The following NPHS1 variants were observed in gnomAD, a reference collection of about 807,000 sequenced individuals.
NPHS1 encodes the protein nephrin.
NPHS1 carries 107 observed loss-of-function variants against 139.7 expected under a neutral mutation model. The ratio of observed to expected loss-of-function variants is 0.77; its 90% CI spans 0.66 to 0.90. The LOEUF (loss-of-function observed/expected upper bound fraction) is 0.90. Among genes scored for constraint, NPHS1 ranks in the 40% least tolerant of loss-of-function variants. The pLI, the probability that NPHS1 is intolerant of heterozygous loss-of-function variation, is 0.00. For missense variants in NPHS1, 1,580 were observed against 1,654.2 expected, an observed-to-expected ratio of 0.96 and a Z score of 0.78; for synonymous variants, 707 against 706.6, an observed-to-expected ratio of 1.00 and a Z score of -0.01.
At chr19:35,844,862 C>A (rs546893674) in intron 14 of NPHS1, among the ~76,000 whole-genome samples, 1 of 152,130 alleles carries the variant, frequency 6.6e-6, no homozygotes, top group African/African-American at 2.4e-5. Flanking sequence ...CAGTGGCTCA[C>A]GCCTATAATC....
chr19:35,833,290 C>T (rs2146809556), intron 23 of NPHS1, among the ~76,000 whole-genome samples: 1 of 152,202 alleles, frequency 6.6e-6, no homozygotes, highest in African/African-American at 2.4e-5. Flanking sequence ...TCTAAGTAGG[C>T]ATCTGTTGGG....
chr19:35,835,199 C>CAAAAAAAA (rs71167570), intron 23 of NPHS1, among the ~76,000 whole-genome samples: 39 of 71,094 alleles, frequency 5.5e-4, no homozygotes, highest in South Asian at 1.2e-3. Context: ...GACTCTGTCT[C>CAAAAAAAA]AAAAAAAAAA....
chr19:35,831,549 AC>A (rs758797896), intron 24 of NPHS1, 49 bp from the exon 25 acceptor site: 12 of 1,548,982 alleles, frequency 7.7e-6, no homozygotes, highest in African/African-American at 4.2e-5. Context: ...CAAGCCCCCC[AC>A]CCCGGCCCCA....
At chr19:35,850,272 T>C (rs917415993) in intron 5 of NPHS1, 92 bp downstream of exon 5, 115 of 993,026 alleles carry the variant, frequency 1.2e-4, no homozygotes, top group Non-Finnish European at 1.8e-4. Context: ...TGTTCATACC[T>C]AGCCCAAGCT....
intron 2 of NPHS1, 25 bp from the exon 3 acceptor site, chr19:35,851,409 G>A: frequency 1.9e-6 from 3 of 1,612,708 alleles, no homozygotes; most frequent in South Asian, 1.1e-5. Flanking sequence ...GGAAGTCAGG[G>A]CCGCAGCTTC....
intron 16 of NPHS1, 71 bp from the exon 17 acceptor site, chr19:35,843,664 G>T: frequency 6.3e-7 from 1 of 1,590,298 alleles, no homozygotes; most frequent in Non-Finnish European, 8.6e-7. Flanking sequence ...GGCCCCAGGT[G>T]GGAGGGATGT....
chr19:35,841,684 C>A (rs375664414), intron 20 of NPHS1, 31 bp downstream of exon 20: 5 of 1,613,104 alleles, frequency 3.1e-6, no homozygotes, highest in Non-Finnish European at 4.2e-6. Flanking sequence ...GGGAGCACCC[C>A]CTCCCCAACA....
At chr19:35,830,644 A>G (rs1358778441) in intron 28 of NPHS1, among the ~76,000 whole-genome samples, 200 bp downstream of exon 28, 1 of 152,214 alleles carries the variant, frequency 6.6e-6, no homozygotes, top group African/African-American at 2.4e-5. Context: ...TATGGGCTCA[A>G]GCGATCCTCC....
chr19:35,839,578 C>G lies in NPHS1; in HGVS notation c.2845G>C (p.Val949Leu). The change falls in exon 21 of 29, where the codon GTT (valine) becomes CTT (leucine). Residue 949 changes from valine to leucine, a missense_variant. Transcript: ENST00000378910. ...SRPDPPSGLK[V>L]VSLTPHSVGL... Reference sequence around the variant, plus strand: ...ACGGAGTGTGGGGTCAGACTCACAACCTTTAATCCTGATGGAGGGTCAGGG... The same window carrying G: ...ACGGAGTGTGGGGTCAGACTCACAAGCTTTAATCCTGATGGAGGGTCAGGG... The G allele has an allele frequency of 6.2e-7, 1 of 1,614,122 alleles. No homozygotes were observed. Among genetic ancestry groups the G allele is most frequent in the Non-Finnish European group, 8.5e-7 (1 of 1,180,024 alleles).
At chr19:35,841,681 C>G (rs571066051) in intron 20 of NPHS1, 34 bp downstream of exon 20, 2 of 1,611,588 alleles carry the variant, frequency 1.2e-6, no homozygotes, top group Non-Finnish European at 1.7e-6. Context: ...CCAGGGAGCA[C>G]CCCCTCCCCA....
intron 24 of NPHS1, 62 bp downstream of exon 24, chr19:35,831,581 C>T: frequency 9.3e-6 from 15 of 1,612,292 alleles, no homozygotes; most frequent in East Asian, 2.2e-5. Flanking sequence ...CAGTATGCAG[C>T]AACCACAGGG....
Position 35,844,382 on chromosome 19 carries a change from C to T in NPHS1, c.2008G>A (p.Val670Met), listed in dbSNP as rs769106924. The T allele has an allele frequency of 6.2e-7, 1 of 1,612,810 alleles. No homozygotes were observed. The highest frequency in any genetic ancestry group is 8.5e-7 in the Non-Finnish European group (1 of 1,179,616). ...GCCTCGGGGGCGGGGTTAGCGGACACGGACACGGGCAGCAACGCCTCGCCC... is the reference window on the plus strand; with the variant it reads ...GCCTCGGGGGCGGGGTTAGCGGACATGGACACGGGCAGCAACGCCTCGCCC... ...EQGEALLPVSVSANPAPEAFN... is the reference protein window; with the variant it reads ...EQGEALLPVSMSANPAPEAFN... The change falls in exon 15 of 29, where the codon GTG becomes ATG. Residue 670 changes from valine to methionine, a missense_variant. By Grantham distance (21) the Val-to-Met change is conservative (BLOSUM62 1). Coordinates refer to ENST00000378910, the MANE Select transcript of NPHS1 (RefSeq NM_004646.4).
At chr19:35,837,468 T>C (rs946560832) in intron 22 of NPHS1, among the ~76,000 whole-genome samples, 4 of 152,240 alleles carry the variant, frequency 2.6e-5, no homozygotes, top group African/African-American at 9.6e-5. Flanking sequence ...TCTGGTTTCA[T>C]TGATTTTCTC....
At position 35,852,104 on chromosome 19, in the gene NPHS1, T is replaced by C. The variant is rs1048858643; in HGVS notation, c.-267A>G. On this transcript the variant is annotated 5_prime_UTR_variant, in exon 1 of 29. Coordinates refer to ENST00000378910, the MANE Select transcript of NPHS1 (RefSeq NM_004646.4). The stretch of plus-strand genomic sequence containing the variant: ...CTTTTTTCTTTTTTTTTTCTTTTTT[T>C]TTTTTTTAGAGACGGGGTCTCACTA... 2.7e-5 allele frequency among the ~76,000 whole-genome samples: 4 copies of C among 150,036 alleles called. No individual in the cohort carries two copies. Among genetic ancestry groups the C allele is most frequent in the Non-Finnish European group, 5.9e-5 (4 of 67,358 alleles).
At chr19:35,842,938 C>G (rs1261447933) in intron 17 of NPHS1, among the ~76,000 whole-genome samples, 1 of 152,148 alleles carries the variant, frequency 6.6e-6, no homozygotes, top group African/African-American at 2.4e-5. Context: ...TCCACCCATT[C>G]ACTCAACTAT....
At chr19:35,841,954 C>T (rs1568453102) in intron 19 of NPHS1, 88 bp from the exon 20 acceptor site, 2 of 1,463,402 alleles carry the variant, frequency 1.4e-6, no homozygotes, top group East Asian at 4.9e-5. Context: ...ATTAATGTAA[C>T]CGTCTGCCTA....
At chr19:35,850,074 C>G (rs1224170250) in intron 5 of NPHS1, among the ~76,000 whole-genome samples, 3 of 152,120 alleles carry the variant, frequency 2.0e-5, no homozygotes, top group Non-Finnish European at 4.4e-5. Flanking sequence ...CGCCACCACA[C>G]CCGGCTAATT....
At chr19:35,830,646 C>T (rs1022105517) in intron 28 of NPHS1, among the ~76,000 whole-genome samples, 198 bp downstream of exon 28, 21 of 152,212 alleles carry the variant, frequency 1.4e-4, no homozygotes, top group African/African-American at 1.4e-4. Flanking sequence ...TGGGCTCAAG[C>T]GATCCTCCTG....
chr19:35,851,841 AG>A lies in NPHS1; in HGVS notation c.-5del, dbSNP rs1241934650. 1.3e-6 allele frequency: 2 copies of A among 1,550,842 alleles called. No individual in the cohort carries two copies. Among genetic ancestry groups the A allele is most frequent in the Admixed American group, 3.9e-5 (2 of 50,986 alleles). On this transcript the variant is annotated 5_prime_UTR_variant, in exon 1 of 29. Coordinates refer to ENST00000378910, the MANE Select transcript of NPHS1 (RefSeq NM_004646.4). ...TGAGCGTCGTCCCCAGGGCCATCAC[AG>A]GTCCCCCTACTGTGACCCCCACAGC...
Sources: allele counts gnomAD v4.1 joint callset (sites outside exome capture counted in the v4.1 genomes callset), GRCh38; gene constraint gnomAD v4.1.1; transcripts MANE v1.5; gene names NCBI Gene and HGNC (gene_info 2026-07-23, HGNC 2026-07-21).